DGKZ: variants seen among roughly 807,000 people sequenced by gnomAD.
DGKZ encodes the protein diacylglycerol kinase zeta, also known as DAG kinase zeta.
In DGKZ, 45 loss-of-function variants were observed where a neutral mutation model predicts 142.5. That is an observed-to-expected ratio of 0.32 (90% confidence interval 0.25 to 0.40). DGKZ has a LOEUF of 0.40. Among genes scored for constraint, DGKZ ranks in the 10% least tolerant of loss-of-function variants. DGKZ has a pLI of 1.00. For missense variants in DGKZ, 755 were observed against 1,306.5 expected (o/e 0.58, Z 6.51); for synonymous variants, 442 against 527.0 (o/e 0.84, Z 2.21).
chr11:46,379,427 A>C, intron 29 of DGKZ, 42 bp from the exon 30 acceptor site: 1 of 1,593,188 alleles, frequency 6.3e-7, no homozygotes, highest in South Asian at 1.1e-5. Context: ...TGGGTGGATC[A>C]GGGGACGGGA....
chr11:46,360,587 ACCAG>A (rs1284216230), intron 1 of DGKZ, among the ~76,000 whole-genome samples: 1 of 151,988 alleles, frequency 6.6e-6, no homozygotes, highest in African/African-American at 2.4e-5. Flanking sequence ...GGAGTTCGAG[ACCAG>A]CCTGGCCAAC....
At chr11:46,375,766 C>T in intron 20 of DGKZ, 85 bp from the exon 21 acceptor site, 1 of 1,519,686 alleles carries the variant, frequency 6.6e-7, no homozygotes, top group Non-Finnish European at 8.9e-7. Flanking sequence ...GGGACCTTCT[C>T]TCGGCAAGTG....
At chr11:46,336,342 G>A (rs1185534506) in intron 1 of DGKZ, among the ~76,000 whole-genome samples, 2 of 152,188 alleles carry the variant, frequency 1.3e-5, no homozygotes, top group Non-Finnish European at 2.9e-5. Flanking sequence ...GGGGGGAAGG[G>A]CAAGAAGGCA....
At chr11:46,371,158 G>T (rs182292853) in intron 6 of DGKZ, among the ~76,000 whole-genome samples, 155 bp from the exon 7 acceptor site, 7 of 152,308 alleles carry the variant, frequency 4.6e-5, no homozygotes, top group Middle Eastern at 3.4e-3. Context: ...TACTTGGGGG[G>T]GCTGAGGCAG....
chr11:46,378,356 G>GC, intron 26 of DGKZ, 101 bp from the exon 27 acceptor site: 1 of 1,542,886 alleles, frequency 6.5e-7, no homozygotes, highest in South Asian at 1.2e-5. Context: ...CACCAACGGA[G>GC]CCCTGGGCAC....
At position 46,372,599 on chromosome 11, in the gene DGKZ, A is replaced by G. The variant is rs766676768; in HGVS notation, c.1011-18A>G. The G allele has an allele frequency of 2.9e-5, 46 of 1,613,730 alleles. 1 individual carries two copies. The East Asian group carries it at 9.8e-4, about 34-fold the overall frequency. On this transcript the variant is annotated intron_variant, in intron 11 of 30. Transcript: ENST00000527911. This position sits in a 1 kb window ranked among gnomAD's most constrained non-coding sequence, Gnocchi z 5.9. The stretch of plus-strand genomic sequence containing the variant: ...GCACACATCCCCTGACCCCACTGCC[A>G]TCTTCCCATGAGCCCAGGCTGGAGA...
intron 1 of DGKZ, among the ~76,000 whole-genome samples, chr11:46,335,908 G>C (rs905563919): frequency 6.6e-6 from 1 of 152,214 alleles, no homozygotes; most frequent in Non-Finnish European, 1.5e-5. Flanking sequence ...CTGGGGGACC[G>C]GGGGCTGGCA....
intron 29 of DGKZ, 64 bp from the exon 30 acceptor site, chr11:46,379,405 T>C (rs1944955332): frequency 1.3e-6 from 2 of 1,585,494 alleles, no homozygotes; most frequent in Non-Finnish European, 1.7e-6. Context: ...CTGATGGCCC[T>C]TGGGAGACAG....
intron 1 of DGKZ, chr11:46,366,411 C>T (rs780272179): frequency 1.8e-5 from 27 of 1,532,386 alleles, no homozygotes; most frequent in Non-Finnish European, 2.3e-5. Flanking sequence ...CGGCGCCGCT[C>T]CAGCGCCCAG....
chr11:46,362,552 C>T (rs1189663525), intron 1 of DGKZ, among the ~76,000 whole-genome samples: 1 of 145,698 alleles, frequency 6.9e-6, no homozygotes, highest in African/African-American at 2.4e-5. Flanking sequence ...TCACCAGGCA[C>T]TCTCTCTCTG....
Position 46,375,640 on chromosome 11 carries a change from C to A in DGKZ, c.1910+9C>A, listed in dbSNP as rs1451113717. 6.5e-7 allele frequency: 1 copy of A among 1,548,700 alleles called. No individual in the cohort carries two copies. Among genetic ancestry groups the A allele is most frequent in the Non-Finnish European group, 8.7e-7 (1 of 1,152,448 alleles). ...GCCCCCCTGCACAGCGAGTACGTCC[C>A]ACCCTGCCACGTGCCCTGGGTGCCA... On this transcript the variant is annotated intron_variant, in intron 20 of 30. Transcript: ENST00000527911.
chr11:46,349,030 G>C (rs539811390), intron 1 of DGKZ, among the ~76,000 whole-genome samples: 1 of 152,310 alleles, frequency 6.6e-6, no homozygotes, highest in Admixed American at 6.5e-5. Context: ...AACATGGGCG[G>C]TTTTCTCCTG....
In DGKZ at chr11:46,375,805, A is replaced by C. The variant is rs762518170; in HGVS notation, c.1911-46A>C. 42 of 1,544,510 alleles carry C rather than the reference A, an allele frequency of 2.7e-5. 1 individual carries two copies. In the South Asian group the frequency reaches 5.0e-4, roughly 18 times the overall value. On this transcript the variant is annotated intron_variant, in intron 20 of 30. Transcript: ENST00000527911. Reference sequence around the variant, plus strand: ...TGGTGCCAGGCCGAGGGTGGCACCAAGGCAGGGCCCTTGCTGAGCCCCCGC... The same window carrying C: ...TGGTGCCAGGCCGAGGGTGGCACCACGGCAGGGCCCTTGCTGAGCCCCCGC...
intron 27 of DGKZ, 114 bp from the exon 28 acceptor site, chr11:46,378,877 G>T: frequency 7.0e-7 from 1 of 1,437,380 alleles, no homozygotes; most frequent in South Asian, 1.4e-5. Context: ...TAAGATGTGT[G>T]AGCGCACTCG....
At chr11:46,347,153 G>A (rs1274910470), upstream of DGKZ, among the ~76,000 whole-genome samples, 1 of 152,194 alleles carries the variant, frequency 6.6e-6, no homozygotes, top group Admixed American at 6.5e-5. The surrounding 1 kb of genome is among the most constrained non-coding windows in gnomAD (Gnocchi z 6.4). Flanking sequence ...ACACTTGTGA[G>A]CGTGCAGTTG....
chr11:46,355,202 G>A (rs1020397196), intron 1 of DGKZ, among the ~76,000 whole-genome samples: 1 of 152,012 alleles, frequency 6.6e-6, no homozygotes, highest in East Asian at 1.9e-4. Flanking sequence ...TCTGCCTCCC[G>A]GGTTCAGGCC....
chr11:46,357,202 C>T (rs1031219904), intron 1 of DGKZ, among the ~76,000 whole-genome samples: 7 of 152,140 alleles, frequency 4.6e-5, no homozygotes, highest in Admixed American at 6.5e-5. Flanking sequence ...CACCAAGGAG[C>T]TCAGGCCAGC....
chr11:46,353,977 CG>C (rs970875138), intron 1 of DGKZ, among the ~76,000 whole-genome samples: 4 of 152,168 alleles, frequency 2.6e-5, no homozygotes, highest in Admixed American at 2.0e-4. Context: ...CAGAGAGAGG[CG>C]GGGGCGGTTG....
chr11:46,362,802 G>A (rs965261068), intron 1 of DGKZ, among the ~76,000 whole-genome samples: 9 of 152,162 alleles, frequency 5.9e-5, no homozygotes, highest in African/African-American at 2.2e-4. Flanking sequence ...TGCCTGCCCC[G>A]ATAGCAGCCA....
Sources: allele counts gnomAD v4.1 joint callset (sites outside exome capture counted in the v4.1 genomes callset), GRCh38; gene constraint gnomAD v4.1.1; non-coding constraint Gnocchi (gnomAD v3.1); transcripts MANE v1.5; gene names NCBI Gene and HGNC (gene_info 2026-07-23, HGNC 2026-07-21).